CLOCK: variants seen among roughly 807,000 people sequenced by gnomAD.
CLOCK encodes the protein clock circadian regulator, also known as circadian locomoter output cycles protein kaput.
CLOCK carries 43 observed loss-of-function variants against 118.4 expected under a neutral mutation model. That is an observed-to-expected ratio of 0.36 (90% CI 0.28 to 0.47). CLOCK has a LOEUF of 0.47. CLOCK is among the 20% of genes least tolerant of loss of function. The pLI, the probability that CLOCK is intolerant of heterozygous loss-of-function variation, is 1.00. For synonymous variants in CLOCK, 326 were observed against 339.2 expected, an observed-to-expected ratio of 0.96 and a Z score of 0.43; for missense variants, 846 against 999.9, an observed-to-expected ratio of 0.85 and a Z score of 2.08.
At chr4:55,438,032 G>A (rs1221545989) in intron 22 of CLOCK, among the ~76,000 whole-genome samples, 1 of 152,144 alleles carries the variant, frequency 6.6e-6, no homozygotes, top group East Asian at 1.9e-4. Context: ...CAGGAAGTAG[G>A]CCACTCACTC....
At chr4:55,516,666 T>C (rs1455828381) in intron 1 of CLOCK, among the ~76,000 whole-genome samples, 1 of 152,240 alleles carries the variant, frequency 6.6e-6, no homozygotes, top group Non-Finnish European at 1.5e-5. Context: ...TGTCTTTTAA[T>C]TGGTGTGCTG....
At chr4:55,504,350 T>C (rs1443954488) in intron 2 of CLOCK, among the ~76,000 whole-genome samples, 1 of 147,656 alleles carries the variant, frequency 6.8e-6, no homozygotes, top group Non-Finnish European at 1.5e-5. Flanking sequence ...TTAGCTGGAA[T>C]TGAAAACACT....
chr4:55,514,777 T>A (rs766812102), intron 1 of CLOCK, among the ~76,000 whole-genome samples: 1 of 152,200 alleles, frequency 6.6e-6, no homozygotes, highest in Non-Finnish European at 1.5e-5. Context: ...TTGAATTTGA[T>A]TTGCTAATAT....
chr4:55,537,208 A>C (rs1210968727), intron 1 of CLOCK, among the ~76,000 whole-genome samples: 3 of 152,172 alleles, frequency 2.0e-5, no homozygotes, highest in African/African-American at 7.2e-5. Context: ...AACGGCCAGG[A>C]GTGGAGGCTC....
At chr4:55,449,374 G>A (rs1724224943) in intron 17 of CLOCK, 22 bp downstream of exon 17, 1 of 1,573,454 alleles carries the variant, frequency 6.4e-7, no homozygotes, top group Non-Finnish European at 8.7e-7. Context: ...TTATTCAGAA[G>A]AATATCCACT....
intron 1 of CLOCK, among the ~76,000 whole-genome samples, chr4:55,521,418 G>C (rs539709984): frequency 6.6e-6 from 1 of 152,172 alleles, no homozygotes; most frequent in Non-Finnish European, 1.5e-5. Context: ...GGGTTTCACC[G>C]TGTTAGTCAC....
chr4:55,479,176 A>C (rs1726743106), intron 5 of CLOCK: 1 of 448,256 alleles, frequency 2.2e-6, no homozygotes, highest in Admixed American at 4.0e-5. Flanking sequence ...TACATTTGAC[A>C]AACATGTTTT....
chr4:55,502,221 A>G (rs1728491739), intron 2 of CLOCK, among the ~76,000 whole-genome samples: 2 of 152,216 alleles, frequency 1.3e-5, no homozygotes, highest in Admixed American at 1.3e-4. Context: ...AGGACTGCTT[A>G]TAAGCTGAGT....
At chr4:55,532,211 A>T (rs995325613) in intron 1 of CLOCK, among the ~76,000 whole-genome samples, 3 of 152,154 alleles carry the variant, frequency 2.0e-5, no homozygotes, top group African/African-American at 7.2e-5. Flanking sequence ...CACAGCTAAC[A>T]TCCTATTCAA....
intron 2 of CLOCK, among the ~76,000 whole-genome samples, chr4:55,489,804 G>A (rs1307800605): frequency 6.6e-6 from 1 of 152,118 alleles, no homozygotes; most frequent in Non-Finnish European, 1.5e-5. Flanking sequence ...TGCAATTGAA[G>A]TTAGATTGTT....
At chr4:55,535,165 A>G (rs542775834) in intron 1 of CLOCK, among the ~76,000 whole-genome samples, 3 of 67,994 alleles carry the variant, frequency 4.4e-5, no homozygotes, top group East Asian at 9.0e-4. Flanking sequence ...TGGTCAATAC[A>G]GAAAGACCTC....
intron 21 of CLOCK, 61 bp from the exon 22 acceptor site, chr4:55,438,598 G>A (rs912435469): frequency 6.8e-6 from 11 of 1,609,714 alleles, no homozygotes; most frequent in South Asian, 3.3e-5. Context: ...ATCATAAAAC[G>A]CAGTGGAGTA....
intron 22 of CLOCK, among the ~76,000 whole-genome samples, chr4:55,436,894 T>TGAATA (rs1722920374): frequency 1.4e-5 from 1 of 70,468 alleles, no homozygotes; most frequent in Non-Finnish European, 2.8e-5. Flanking sequence ...TGGGATGCCT[T>TGAATA]TTTTTTTTTT....
chr4:55,494,705 A>G (rs1577794317), intron 2 of CLOCK, among the ~76,000 whole-genome samples: 3 of 152,264 alleles, frequency 2.0e-5, no homozygotes, highest in Admixed American at 2.0e-4. Context: ...TTCCCCAAAA[A>G]CCTACTGAAA....
chr4:55,438,152 G>C, intron 22 of CLOCK, 130 bp downstream of exon 22: 2 of 1,202,132 alleles, frequency 1.7e-6, no homozygotes, highest in South Asian at 2.9e-5. Context: ...TTCTATCTTT[G>C]TAGAGATTTA....
At chr4:55,526,711 G>A (rs1448007799) in intron 1 of CLOCK, among the ~76,000 whole-genome samples, 1 of 152,084 alleles carries the variant, frequency 6.6e-6, no homozygotes, top group Admixed American at 6.5e-5. Context: ...CACTTTGGGA[G>A]GTCGAGGTGG....
At chr4:55,541,312 T>C (rs1160435765) in intron 1 of CLOCK, among the ~76,000 whole-genome samples, 7 of 152,238 alleles carry the variant, frequency 4.6e-5, no homozygotes, top group Non-Finnish European at 7.3e-5. Flanking sequence ...GACACTTGAG[T>C]GTTCTATAAA....
intron 1 of CLOCK, among the ~76,000 whole-genome samples, chr4:55,512,324 A>G (rs1352537099): frequency 6.6e-6 from 1 of 152,148 alleles, no homozygotes; most frequent in Non-Finnish European, 1.5e-5. Flanking sequence ...CATTTCCATG[A>G]TGACAGATGA....
intron 7 of CLOCK, among the ~76,000 whole-genome samples, chr4:55,472,077 G>T (rs1726183346): frequency 6.6e-6 from 1 of 151,748 alleles, no homozygotes; most frequent in Non-Finnish European, 1.5e-5. Flanking sequence ...TCTCAAAATA[G>T]TAATAAAAAT....
Sources: allele counts gnomAD v4.1 joint callset (sites outside exome capture counted in the v4.1 genomes callset), GRCh38; gene constraint gnomAD v4.1.1; transcripts MANE v1.5; gene names NCBI Gene and HGNC (gene_info 2026-07-23, HGNC 2026-07-21).